SCAMP1: variants seen among roughly 807,000 people sequenced by gnomAD.
SCAMP1 encodes the protein secretory carrier-associated membrane protein 1.
SCAMP1 carries 15 observed loss-of-function variants against 41.8 expected under a neutral mutation model. The observed-to-expected ratio is 0.36, with a 90% CI of 0.24 to 0.55. The LOEUF is 0.55. Among genes scored for constraint, SCAMP1 ranks in the 20% least tolerant of loss-of-function variants. SCAMP1 has a pLI of 0.86. For synonymous variants in SCAMP1, 135 were observed against 136.8 expected, an observed-to-expected ratio of 0.99 and a Z score of 0.09; for missense variants, 341 against 412.6, an observed-to-expected ratio of 0.83 and a Z score of 1.50.
chr5:78,374,695 G>T (rs1431341024), intron 1 of SCAMP1, among the ~76,000 whole-genome samples: 2 of 152,010 alleles, frequency 1.3e-5, no homozygotes, highest in Non-Finnish European at 2.9e-5. Flanking sequence ...GAGTGTACTC[G>T]ATAATCAAAC....
In SCAMP1 at chr5:78,460,830, C is replaced by A. The variant is rs1402034938; in HGVS notation, c.852+1468C>A. Among the ~76,000 whole-genome samples the A allele has an allele frequency of 2.0e-4, 15 of 74,014 alleles. 1 individual carries two copies. The highest frequency in any genetic ancestry group is 1.0e-3 in the African/African-American group (15 of 14,446). 48.6% of individuals were successfully genotyped at this position (74,014 alleles called of 152,430 possible). ...CTCCCTTCCTTCCTTCCTTTCTTGT[C>A]TTTCCTCTATCTGTCTCTCTTTCTG... On this transcript the variant is annotated intron_variant, in intron 8 of 8. Coordinates refer to ENST00000621999, the MANE Select transcript of SCAMP1 (RefSeq NM_004866.6).
chr5:78,429,604 C>G (rs989815750), intron 6 of SCAMP1, among the ~76,000 whole-genome samples: 2 of 151,950 alleles, frequency 1.3e-5, no homozygotes, highest in Non-Finnish European at 2.9e-5. Flanking sequence ...GGTTGAAATA[C>G]GTTTCCAAGA....
chr5:78,469,952 T>G, intron 8 of SCAMP1, among the ~76,000 whole-genome samples: 3 of 118,412 alleles, frequency 2.5e-5, no homozygotes, highest in Admixed American at 1.0e-4. Flanking sequence ...AGCCCAGGCA[T>G]GGTGGTGTGA....
intron 6 of SCAMP1, among the ~76,000 whole-genome samples, chr5:78,446,081 CTTTA>C (rs1753045578): frequency 6.6e-6 from 1 of 152,082 alleles, no homozygotes; most frequent in African/African-American, 2.4e-5. Flanking sequence ...TTTTATTTAG[CTTTA>C]TTTAAAATAA....
intron 2 of SCAMP1, among the ~76,000 whole-genome samples, chr5:78,408,472 C>T (rs1384638281): frequency 6.6e-6 from 1 of 152,144 alleles, no homozygotes; most frequent in East Asian, 1.9e-4. Flanking sequence ...TCTACTTTTG[C>T]CAAATGCCTG....
chr5:78,475,421 T>C, intron 8 of SCAMP1, 83 bp from the exon 9 acceptor site: 1 of 989,462 alleles, frequency 1.0e-6, no homozygotes. Context: ...TTTTTATGTT[T>C]GATTAATGTT....
intron 6 of SCAMP1, among the ~76,000 whole-genome samples, chr5:78,441,668 CA>C (rs1752928096): frequency 2.0e-5 from 3 of 152,040 alleles, no homozygotes; most frequent in Admixed American, 2.0e-4. Flanking sequence ...ACAAACAAAA[CA>C]AAACAAAAAT....
chr5:78,440,847 T>C (rs968290630), intron 6 of SCAMP1, among the ~76,000 whole-genome samples: 1 of 152,192 alleles, frequency 6.6e-6, no homozygotes, highest in African/African-American at 2.4e-5. Context: ...TGAGTTGTGG[T>C]GGGCTCCACC....
At chr5:78,365,281 T>C (rs1355049654) in intron 1 of SCAMP1, among the ~76,000 whole-genome samples, 3 of 151,904 alleles carry the variant, frequency 2.0e-5, no homozygotes, top group Admixed American at 2.0e-4. Flanking sequence ...GAGACCAGCC[T>C]GGCCAACATG....
intron 8 of SCAMP1, among the ~76,000 whole-genome samples, chr5:78,465,077 T>G: frequency 6.6e-6 from 1 of 152,342 alleles, no homozygotes; most frequent in East Asian, 1.9e-4. Context: ...CCGATCTTGC[T>G]GTGTCTCCCA....
chr5:78,422,089 G>A (rs894026000), intron 6 of SCAMP1, 129 bp downstream of exon 6: 2 of 757,326 alleles, frequency 2.6e-6, no homozygotes, highest in African/African-American at 3.6e-5. Flanking sequence ...CATACCTTCA[G>A]GAAAGTTCAA....
In SCAMP1 at chr5:78,415,549, T is replaced by C; in HGVS notation, c.165T>C (p.Asn55=). The C allele has an allele frequency of 1.2e-6, 2 of 1,607,338 alleles. No individual in the cohort carries two copies. The highest frequency in any genetic ancestry group is 1.7e-6 in the Non-Finnish European group (2 of 1,176,776). ...TPPPGGVKMP[N]VPNTQPAIMK... ...CACCAGGCGGTGTGAAGATGCCTAATGTACCCAATACACAACCAGCAATAA... is the reference window on the plus strand; with the variant it reads ...CACCAGGCGGTGTGAAGATGCCTAACGTACCCAATACACAACCAGCAATAA... Residue 55 remains asparagine (N), a synonymous_variant, in exon 3 of 9, where the codon AAT becomes AAC. Transcript: ENST00000621999.
At chr5:78,364,202 AACCAGC>A (rs1750737304) in intron 1 of SCAMP1, among the ~76,000 whole-genome samples, 2 of 152,208 alleles carry the variant, frequency 1.3e-5, no homozygotes, top group Non-Finnish European at 2.9e-5. Flanking sequence ...AGAGTTTAAT[AACCAGC>A]AGAGGTCAGC....
chr5:78,454,228 G>A (rs1459824780), intron 7 of SCAMP1, among the ~76,000 whole-genome samples: 1 of 152,090 alleles, frequency 6.6e-6, no homozygotes, highest in African/African-American at 2.4e-5. Flanking sequence ...TGTTGAATAG[G>A]AGTGGTGAGA....
At chr5:78,439,052 C>T (rs1398078122) in intron 6 of SCAMP1, among the ~76,000 whole-genome samples, 13 of 152,002 alleles carry the variant, frequency 8.6e-5, no homozygotes, top group African/African-American at 3.1e-4. Context: ...CTTCTTTTTG[C>T]TTTCCATTTG....
At chr5:78,415,465 G>T (rs895209201) in intron 2 of SCAMP1, 55 bp from the exon 3 acceptor site, 1 of 1,043,296 alleles carries the variant, frequency 9.6e-7, no homozygotes, top group Non-Finnish European at 1.4e-6. Flanking sequence ...CTTTTTGAAA[G>T]AAGTTAAAGT....
At chr5:78,444,134 G>A (rs1187820953) in intron 6 of SCAMP1, among the ~76,000 whole-genome samples, 1 of 152,126 alleles carries the variant, frequency 6.6e-6, no homozygotes, top group African/African-American at 2.4e-5. Flanking sequence ...TCAGCATAAA[G>A]TTACTAAAGA....
At chr5:78,445,237 A>G (rs1753025380) in intron 6 of SCAMP1, among the ~76,000 whole-genome samples, 2 of 152,198 alleles carry the variant, frequency 1.3e-5, no homozygotes, top group Non-Finnish European at 2.9e-5. Flanking sequence ...TTCTATTAAA[A>G]TTGTGCTGCA....
intron 6 of SCAMP1, among the ~76,000 whole-genome samples, chr5:78,435,927 G>A (rs6453390): frequency 0.055 from 8,421 of 152,226 alleles, 810 homozygotes; most frequent in African/African-American, 0.19. Context: ...TCTAACTGGC[G>A]TGAGATGGTA....
Sources: allele counts gnomAD v4.1 joint callset (sites outside exome capture counted in the v4.1 genomes callset), GRCh38; gene constraint gnomAD v4.1.1; transcripts MANE v1.5; gene names NCBI Gene and HGNC (gene_info 2026-07-23, HGNC 2026-07-21).